Variants in COL6A5 observed in about 807,000 individuals in gnomAD.
COL6A5 encodes collagen type VI alpha 5 chain.
In COL6A5, 48 loss-of-function variants were observed where a neutral mutation model predicts 65.6. That is an observed-to-expected ratio of 0.73 (90% CI 0.58 to 0.93). The LOEUF (loss-of-function observed/expected upper bound fraction) is 0.93, where lower values mean the gene tolerates loss of function less well. Among genes scored for constraint, COL6A5 ranks in the 40% least tolerant of loss-of-function variants. COL6A5 has a pLI of 0.00. For missense variants in COL6A5, 914 were observed against 928.3 expected (o/e 0.98, Z 0.20); for synonymous variants, 291 against 322.8 (o/e 0.90, Z 1.05).
exon 6 of COL6A5, chr3:130,468,927 A>C: frequency 6.2e-7 from 1 of 1,612,616 alleles, no homozygotes; most frequent in East Asian, 2.2e-5. Context: ...GATGAGTTTA[A>C]GGAAGTAAAA....
intron 4 of COL6A5, among the ~76,000 whole-genome samples, chr3:130,446,706 T>A (rs774230498): frequency 7.9e-5 from 12 of 152,070 alleles, no homozygotes; most frequent in Non-Finnish European, 1.6e-4. Context: ...GAAGCTTGAG[T>A]CTTCTGGTGG....
intron 4 of COL6A5, among the ~76,000 whole-genome samples, chr3:130,444,930 G>T (rs770347316): frequency 6.6e-5 from 10 of 152,176 alleles, no homozygotes; most frequent in Non-Finnish European, 1.5e-4. Context: ...AGGAATACGG[G>T]GTGATACAGA....
intron 1 of COL6A5, among the ~76,000 whole-genome samples, chr3:130,368,596 G>C (rs1935431517): frequency 6.6e-6 from 1 of 151,914 alleles, no homozygotes; most frequent in East Asian, 1.9e-4. Context: ...GGGGGATTAA[G>C]AAAGTCTTTC....
At chr3:130,375,113 G>A (rs940997193) in intron 2 of COL6A5, among the ~76,000 whole-genome samples, 1 of 152,118 alleles carries the variant, frequency 6.6e-6, no homozygotes, top group Admixed American at 6.5e-5. Context: ...GATACTATTG[G>A]CACCTCCCTT....
chr3:130,366,667 C>A (rs917646750), intron 1 of COL6A5, among the ~76,000 whole-genome samples: 3 of 152,108 alleles, frequency 2.0e-5, no homozygotes, highest in African/African-American at 7.2e-5. Flanking sequence ...CTTTTGATGT[C>A]TTTTTATAAA....
chr3:130,357,608 T>C (rs1934966439), intron 1 of COL6A5, among the ~76,000 whole-genome samples: 1 of 152,160 alleles, frequency 6.6e-6, no homozygotes, highest in African/African-American at 2.4e-5. Flanking sequence ...TGTAGGATAA[T>C]GAAGTGGAAT....
chr3:130,432,232 C>G lies in COL6A5; in HGVS notation c.487+283C>G, dbSNP rs183395858. Among the ~76,000 whole-genome samples the G allele has an allele frequency of 1.9e-3, 293 of 152,178 alleles. 2 individuals are homozygous for G. The highest frequency in any genetic ancestry group is 6.4e-3 in the African/African-American group (264 of 41,516). ...ATACATTCTCACAGCCCTCGGAGGT[C>G]AATGCAGCTGTTGTCTCCATGTTAA... On this transcript the variant is annotated intron_variant, in intron 1 of 7. Coordinates refer to ENST00000512836, the Ensembl canonical transcript of COL6A5.
chr3:130,422,193 C>G (rs1397687988), intron 27 of COL6A5, among the ~76,000 whole-genome samples: 1 of 151,962 alleles, frequency 6.6e-6, no homozygotes, highest in Non-Finnish European at 1.5e-5. Flanking sequence ...CAATATAAAT[C>G]ACCATTAGAA....
At chr3:130,420,338 T>C (rs1559893111) in intron 25 of COL6A5, among the ~76,000 whole-genome samples, 1 of 152,140 alleles carries the variant, frequency 6.6e-6, no homozygotes, top group East Asian at 1.9e-4. Flanking sequence ...CATATTTTCA[T>C]GTCATTACAT....
intron 1 of COL6A5, among the ~76,000 whole-genome samples, chr3:130,365,558 T>C (rs974705751): frequency 5.3e-5 from 8 of 152,188 alleles, no homozygotes; most frequent in African/African-American, 1.7e-4. Flanking sequence ...ATTACAGGCG[T>C]GAGCCACCGC....
exon 4 of COL6A5, chr3:130,379,657 A>C: frequency 1.3e-6 from 2 of 1,551,478 alleles, no homozygotes; most frequent in Non-Finnish European, 1.7e-6. Context: ...GCAGCAAATC[A>C]AGAATCTTTC....
At chr3:130,467,252 G>C (rs892981978) in intron 5 of COL6A5, among the ~76,000 whole-genome samples, 6 of 151,888 alleles carry the variant, frequency 4.0e-5, no homozygotes, top group Non-Finnish European at 7.4e-5. Flanking sequence ...AGCTAGGAAG[G>C]CTAATAGGGA....
chr3:130,349,451 T>C (rs1934622336), intron 1 of COL6A5, among the ~76,000 whole-genome samples: 1 of 152,208 alleles, frequency 6.6e-6, no homozygotes, highest in African/African-American at 2.4e-5. Flanking sequence ...TGTAAAATGC[T>C]TTGCACATAG....
At position 130,431,675 on chromosome 3, in the gene COL6A5, A is replaced by G. The variant is rs2107694150; in HGVS notation, c.215A>G (p.Asn72Ser). The G allele has an allele frequency of 1.3e-6, 2 of 1,551,638 alleles. 1 individual carries two copies. The highest frequency in any genetic ancestry group is 3.3e-4 in the Middle Eastern group (2 of 5,992). The change falls in exon 1 of 8, where the codon AAT becomes AGT. Residue 72 changes from asparagine to serine, a missense_variant. Coordinates refer to ENST00000512836, the Ensembl canonical transcript of COL6A5. ...TATCTCATCCGCTGGTCTGACTACA[A>G]TAGGAAGAAGCAGCTCCTCCAGCAG...
intron 6 of COL6A5, among the ~76,000 whole-genome samples, chr3:130,390,812 C>T (rs913632298): frequency 2.0e-5 from 3 of 152,178 alleles, no homozygotes; most frequent in Admixed American, 6.5e-5. Context: ...CAGTATATCT[C>T]GCCATTACAT....
intron 4 of COL6A5, among the ~76,000 whole-genome samples, chr3:130,448,797 C>G (rs1214344534): frequency 6.6e-6 from 1 of 152,110 alleles, no homozygotes; most frequent in African/African-American, 2.4e-5. Context: ...CCATTGATAA[C>G]GAGCTGCAGG....
chr3:130,394,818 TTAAGTA>T (rs1936535276), intron 7 of COL6A5, 66 bp from the exon 8 acceptor site: 19 of 1,095,816 alleles, frequency 1.7e-5, no homozygotes, highest in Non-Finnish European at 2.5e-5. Context: ...GTAAAGCAAT[TTAAGTA>T]TATGAGGAAA....
intron 4 of COL6A5, among the ~76,000 whole-genome samples, chr3:130,450,241 G>C (rs577986021): frequency 2.6e-5 from 4 of 152,104 alleles, no homozygotes; most frequent in Admixed American, 2.6e-4. Context: ...CCTGCTCCCC[G>C]TTTCCCTGGT....
intron 1 of COL6A5, among the ~76,000 whole-genome samples, chr3:130,372,036 A>T (rs921745470): frequency 1.3e-5 from 2 of 152,202 alleles, no homozygotes; most frequent in Non-Finnish European, 2.9e-5. Context: ...ATTTAAATAG[A>T]TGTTTCACCA....
Sources: gnomAD v4.1 joint callset for allele counts (sites outside exome capture counted in the v4.1 genomes callset) on GRCh38, gnomAD v4.1.1 for gene constraint, MANE v1.5 for transcripts, NCBI Gene and HGNC (gene_info 2026-07-23, HGNC 2026-07-21) for gene names.